CDH13: variants seen among roughly 807,000 people sequenced by gnomAD.
CDH13 encodes cadherin-13.
Under a neutral mutation model 63.8 loss-of-function variants are expected in CDH13, and 24 were observed. That is an observed-to-expected ratio of 0.38 (90% confidence interval 0.27 to 0.53). The LOEUF (loss-of-function observed/expected upper bound fraction) is 0.53, where lower values mean the gene tolerates loss of function less well. Ranked by LOEUF, CDH13 falls within the 20% of genes least tolerant of loss-of-function variation. The pLI is 0.85. For synonymous variants in CDH13, 503 were observed against 355.3 expected (o/e 1.42, Z -4.67); for missense variants, 1,049 against 903.1 (o/e 1.16, Z -2.07).
chr16:83,695,599 A>T (rs147933883), intron 10 of CDH13, among the ~76,000 whole-genome samples: 27 of 152,372 alleles, frequency 1.8e-4, no homozygotes, highest in African/African-American at 6.0e-4. Context: ...AAAAGAAGAT[A>T]AATCTCTGAA....
At chr16:83,173,709 A>C (rs1282498074) in intron 4 of CDH13, among the ~76,000 whole-genome samples, 1 of 152,092 alleles carries the variant, frequency 6.6e-6, no homozygotes, top group Non-Finnish European at 1.5e-5. Context: ...AAAACTATAG[A>C]GAACACAGCC....
intron 1 of CDH13, among the ~76,000 whole-genome samples, chr16:82,730,298 T>C (rs895339358): frequency 1.3e-5 from 2 of 152,210 alleles, no homozygotes; most frequent in African/African-American, 4.8e-5. Context: ...TGATTTAAAG[T>C]GAGAGGTATG....
chr16:82,684,078 C>T (rs762562139), intron 1 of CDH13, among the ~76,000 whole-genome samples: 26 of 152,164 alleles, frequency 1.7e-4, no homozygotes, highest in Admixed American at 5.9e-4. Context: ...AGGAAGAATT[C>T]GTGAATAGCC....
At chr16:83,435,097 A>G (rs140079805) in intron 6 of CDH13, among the ~76,000 whole-genome samples, 96 of 151,750 alleles carry the variant, frequency 6.3e-4, no homozygotes, top group Admixed American at 2.4e-3. Flanking sequence ...CTCAGGCTGA[A>G]GTGCAACGGC....
chr16:83,126,439 G>A (rs898258163), intron 4 of CDH13, among the ~76,000 whole-genome samples: 9 of 152,296 alleles, frequency 5.9e-5, no homozygotes, highest in Admixed American at 3.9e-4. Context: ...GCATGTTTGG[G>A]CATGTCAGGG....
At chr16:82,924,807 T>C (rs911422025) in intron 2 of CDH13, among the ~76,000 whole-genome samples, 39 of 152,164 alleles carry the variant, frequency 2.6e-4, no homozygotes, top group African/African-American at 9.2e-4. Flanking sequence ...TGGAACCAGC[T>C]AACATCTAGA....
chr16:83,269,753 C>T (rs999304263), intron 5 of CDH13, among the ~76,000 whole-genome samples: 20 of 152,304 alleles, frequency 1.3e-4, no homozygotes, highest in African/African-American at 7.2e-5. Flanking sequence ...TTCTCCTAGC[C>T]TTGCTCCTCA....
chr16:83,536,193 A>G (rs1161074251), intron 7 of CDH13, among the ~76,000 whole-genome samples: 5 of 152,180 alleles, frequency 3.3e-5, no homozygotes, highest in African/African-American at 9.7e-5. Flanking sequence ...GCTATGGGGG[A>G]AAAATGAGTA....
At chr16:83,048,643 CT>C (rs1477723132) in intron 3 of CDH13, among the ~76,000 whole-genome samples, 1 of 152,136 alleles carries the variant, frequency 6.6e-6, no homozygotes, top group Non-Finnish European at 1.5e-5. Context: ...CTGAGTACCC[CT>C]AACTCCTTTC....
chr16:83,145,750 C>G (rs997892849), intron 4 of CDH13, among the ~76,000 whole-genome samples: 15 of 152,112 alleles, frequency 9.9e-5, no homozygotes, highest in Admixed American at 3.9e-4. Context: ...ATTGCAAGAC[C>G]TGAGGAATAG....
intron 1 of CDH13, among the ~76,000 whole-genome samples, chr16:82,765,555 G>A (rs1447394459): frequency 6.6e-6 from 1 of 152,090 alleles, no homozygotes; most frequent in Non-Finnish European, 1.5e-5. Flanking sequence ...CTATCAATGG[G>A]GAATCTACAT....
At chr16:83,426,105 C>G (rs368424848) in intron 6 of CDH13, among the ~76,000 whole-genome samples, 2 of 152,066 alleles carry the variant, frequency 1.3e-5, no homozygotes, top group East Asian at 1.9e-4. Flanking sequence ...TCCCAGGGAC[C>G]CTTTGGAAGA....
chr16:83,167,506 A>C (rs1361424545), intron 4 of CDH13, among the ~76,000 whole-genome samples: 1 of 106,628 alleles, frequency 9.4e-6, no homozygotes, highest in Non-Finnish European at 2.2e-5. Context: ...TCCCAAAAAA[A>C]AAAAAAAAAA....
At chr16:83,654,457 A>G (rs1223397129) in intron 8 of CDH13, among the ~76,000 whole-genome samples, 1 of 151,944 alleles carries the variant, frequency 6.6e-6, no homozygotes, top group Non-Finnish European at 1.5e-5. Context: ...GTATAGGACA[A>G]TGTGCAAGAA....
In CDH13 at chr16:82,678,974, A is replaced by C. The variant is rs532651539; in HGVS notation, c.45+51837A>C. ...AGGGCCAATTCAACAGGTAAGAAAG[A>C]CAGCACACTCAAGGGAGCAGACTCC... On this transcript the variant is annotated intron_variant, in intron 1 of 13. Transcript: ENST00000567109. 3.9e-5 allele frequency among the ~76,000 whole-genome samples: 6 copies of C among 152,304 alleles called. No individual in the cohort carries two copies. The East Asian group carries it at 9.6e-4, about 24-fold the overall frequency.
chr16:83,324,218 A>G (rs867809639), intron 5 of CDH13, among the ~76,000 whole-genome samples: 1 of 152,022 alleles, frequency 6.6e-6, no homozygotes, highest in South Asian at 2.1e-4. Context: ...TGTGTTTTCA[A>G]TAGAGACAGG....
At chr16:82,898,167 A>G (rs1650832838) in intron 2 of CDH13, among the ~76,000 whole-genome samples, 1 of 152,256 alleles carries the variant, frequency 6.6e-6, no homozygotes, top group Non-Finnish European at 1.5e-5. Context: ...GTTAAACGAA[A>G]CATATTGTTA....
chr16:82,848,812 C>G (rs35862345), intron 1 of CDH13, among the ~76,000 whole-genome samples: 18,106 of 152,170 alleles, frequency 0.12, 1,219 homozygotes, highest in Non-Finnish European at 0.16. Flanking sequence ...TTGCATGTCT[C>G]TCTCTTTAAA....
intron 4 of CDH13, among the ~76,000 whole-genome samples, chr16:83,137,794 G>C (rs1444157688): frequency 2.6e-5 from 4 of 152,178 alleles, no homozygotes; most frequent in Non-Finnish European, 5.9e-5. Flanking sequence ...CCAATTACTA[G>C]TCCAAGTTTT....
Sources: gnomAD v4.1 joint callset for allele counts (sites outside exome capture counted in the v4.1 genomes callset) on GRCh38, gnomAD v4.1.1 for gene constraint, MANE v1.5 for transcripts, NCBI Gene and HGNC (gene_info 2026-07-23, HGNC 2026-07-21) for gene names.